The following STIM2 variants were observed in gnomAD, a reference collection of about 807,000 sequenced individuals.
The protein encoded by STIM2 is stromal interaction molecule 2.
STIM2 carries 31 observed loss-of-function variants against 85.8 expected under a neutral mutation model. That is an observed-to-expected ratio of 0.36 (90% CI 0.27 to 0.49). STIM2 has a LOEUF of 0.49. Among genes scored for constraint, STIM2 ranks in the 20% least tolerant of loss-of-function variants. The pLI is 0.98. For missense variants in STIM2, 841 were observed against 927.6 expected (o/e 0.91, Z 1.21); for synonymous variants, 356 against 331.1 (o/e 1.08, Z -0.82).
chr4:26,952,871 T>C (rs530961868), intron 2 of STIM2, among the ~76,000 whole-genome samples: 1 of 152,284 alleles, frequency 6.6e-6, no homozygotes, highest in South Asian at 2.1e-4. Context: ...TTTAAATAGC[T>C]ATATGAAATA....
chr4:26,911,906 A>G (rs1724356669), intron 1 of STIM2, among the ~76,000 whole-genome samples: 1 of 152,196 alleles, frequency 6.6e-6, no homozygotes, highest in Admixed American at 6.5e-5. Flanking sequence ...AGTATGCTAG[A>G]TACTGGAAAT....
intron 1 of STIM2, among the ~76,000 whole-genome samples, chr4:26,890,914 C>T (rs577389556): frequency 4.6e-5 from 7 of 152,194 alleles, no homozygotes; most frequent in African/African-American, 1.7e-4. Context: ...TCTGATTAAC[C>T]TATATGAGCC....
intron 1 of STIM2, among the ~76,000 whole-genome samples, chr4:26,887,065 A>G (rs1471625327): frequency 6.6e-6 from 1 of 152,134 alleles, no homozygotes; most frequent in Non-Finnish European, 1.5e-5. Flanking sequence ...TGAAGTAAAG[A>G]CATAAAAGCT....
intron 11 of STIM2, among the ~76,000 whole-genome samples, chr4:27,022,160 C>G (rs1728936481): frequency 6.6e-6 from 1 of 152,008 alleles, no homozygotes; most frequent in African/African-American, 2.4e-5. Flanking sequence ...AGCGTTAACT[C>G]TGATTTAGAA....
intron 1 of STIM2, among the ~76,000 whole-genome samples, chr4:26,869,093 G>C (rs13116737): frequency 6.6e-6 from 1 of 151,938 alleles, no homozygotes; most frequent in East Asian, 1.9e-4. Context: ...CCAGGACTTC[G>C]AGACCAGTCT....
At chr4:26,997,404 A>G (rs1182938470) in intron 4 of STIM2, among the ~76,000 whole-genome samples, 4 of 152,124 alleles carry the variant, frequency 2.6e-5, no homozygotes, top group Non-Finnish European at 5.9e-5. Context: ...TGTGTTTTCT[A>G]TACTCTGTAA....
intron 11 of STIM2, among the ~76,000 whole-genome samples, chr4:27,019,052 G>T (rs1443237953): frequency 6.6e-6 from 1 of 152,158 alleles, no homozygotes; most frequent in Non-Finnish European, 1.5e-5. Flanking sequence ...GAGGAGCTCT[G>T]TTCTTAAACC....
At chr4:27,009,938 G>A (rs961439796) in intron 10 of STIM2, among the ~76,000 whole-genome samples, 1 of 152,176 alleles carries the variant, frequency 6.6e-6, no homozygotes, top group African/African-American at 2.4e-5. Context: ...GTGCATGAAA[G>A]TGCATTATCT....
At chr4:26,997,751 C>T (rs374167359) in intron 4 of STIM2, among the ~76,000 whole-genome samples, 2 of 152,218 alleles carry the variant, frequency 1.3e-5, no homozygotes, top group South Asian at 4.1e-4. Flanking sequence ...TAGTCTTTGC[C>T]TTCATGCAAT....
intron 2 of STIM2, among the ~76,000 whole-genome samples, chr4:26,928,949 C>T (rs1211657366): frequency 1.3e-5 from 2 of 152,098 alleles, no homozygotes; most frequent in Non-Finnish European, 2.9e-5. Context: ...ACACAACATG[C>T]CTTTATATTT....
intron 1 of STIM2, among the ~76,000 whole-genome samples, chr4:26,893,126 T>C (rs1277851548): frequency 6.6e-6 from 1 of 152,190 alleles, no homozygotes; most frequent in African/African-American, 2.4e-5. Flanking sequence ...GTGAAACATA[T>C]TTGGAGTGAC....
chr4:26,889,379 T>TA (rs748339044), intron 1 of STIM2, among the ~76,000 whole-genome samples: 3 of 152,228 alleles, frequency 2.0e-5, no homozygotes, highest in African/African-American at 7.2e-5. Context: ...GGTCCACTGT[T>TA]ACACTTCATG....
intron 1 of STIM2, among the ~76,000 whole-genome samples, chr4:26,866,337 A>G (rs1190417466): frequency 6.6e-6 from 1 of 152,156 alleles, no homozygotes; most frequent in Non-Finnish European, 1.5e-5. Context: ...TCTGGTTCCA[A>G]AGCTTGGATT....
At chr4:26,952,781 C>G (rs969144538) in intron 2 of STIM2, among the ~76,000 whole-genome samples, 1 of 152,118 alleles carries the variant, frequency 6.6e-6, no homozygotes, top group Non-Finnish European at 1.5e-5. Flanking sequence ...TGCATTTATA[C>G]AGAACATCCA....
intron 3 of STIM2, among the ~76,000 whole-genome samples, chr4:26,979,824 T>C (rs148187825): frequency 6.2e-4 from 94 of 152,344 alleles, no homozygotes; most frequent in African/African-American, 2.2e-3. Context: ...GGTAGTTTTA[T>C]AGTTTATTGT....
At chr4:26,944,630 A>G (rs573782534) in intron 2 of STIM2, among the ~76,000 whole-genome samples, 16 of 152,234 alleles carry the variant, frequency 1.1e-4, no homozygotes, top group Non-Finnish European at 2.1e-4. Context: ...AGGAGCTCAC[A>G]CTAGTATTGT....
intron 3 of STIM2, among the ~76,000 whole-genome samples, chr4:26,982,590 C>T (rs1254499700): frequency 1.3e-5 from 2 of 152,032 alleles, no homozygotes; most frequent in East Asian, 1.9e-4. Flanking sequence ...AGTATCCAGG[C>T]TCATTGTGTT....
chr4:27,015,769 A>T (rs1577498915), intron 10 of STIM2, among the ~76,000 whole-genome samples: 1 of 142,476 alleles, frequency 7.0e-6, no homozygotes. Context: ...CTATAATATG[A>T]TTGGGTGTGG....
At chr4:26,923,016 C>T (rs899675969) in intron 2 of STIM2, among the ~76,000 whole-genome samples, 1 of 151,816 alleles carries the variant, frequency 6.6e-6, no homozygotes, top group Non-Finnish European at 1.5e-5. Context: ...TCCCAGCATG[C>T]AGCTGGAGAT....
Sources: allele counts gnomAD v4.1 joint callset (sites outside exome capture counted in the v4.1 genomes callset), GRCh38; gene constraint gnomAD v4.1.1; transcripts MANE v1.5; gene names NCBI Gene and HGNC (gene_info 2026-07-23, HGNC 2026-07-21).